Variants in PHKA1 observed in about 807,000 individuals in gnomAD.
PHKA1 encodes the protein phosphorylase b kinase regulatory subunit alpha, skeletal muscle isoform.
In PHKA1, 60 loss-of-function variants were observed where a neutral mutation model predicts 110.2. That is an observed-to-expected ratio of 0.54 (90% CI 0.44 to 0.68). PHKA1 has a LOEUF of 0.68. Ranked by LOEUF, PHKA1 falls within the 30% of genes least tolerant of loss-of-function variation. The probability of loss-of-function intolerance (pLI) is 0.00; values close to 1 mark genes in which losing one functional copy is unlikely to be tolerated. For synonymous variants in PHKA1, 316 were observed against 333.6 expected, an observed-to-expected ratio of 0.95 and a Z score of 0.58; for missense variants, 801 against 942.5, an observed-to-expected ratio of 0.85 and a Z score of 1.97.
At chrX:72,603,066 T>G in intron 26 of PHKA1, 53 bp downstream of exon 26, 39 of 800,038 alleles carry the variant, frequency 4.9e-5, no homozygotes, top group Non-Finnish European at 6.5e-5. Context: ...TTAAAACCAA[T>G]GAGACACTTA....
rs145791688 is a variant in PHKA1 at position 72,582,457 on chromosome X, T to C, written c.3439A>G (p.Ser1147Gly). 52 of 1,206,267 alleles carry C rather than the reference T, an allele frequency of 4.3e-5. No individual in the cohort carries two copies. Among genetic ancestry groups the C allele is most frequent in the Non-Finnish European group, 5.3e-5 (47 of 891,812 alleles). Residue 1147 changes from serine (S) to glycine (G), a missense_variant, in exon 31 of 32, where the codon AGC becomes GGC. By Grantham distance (56) the Ser-to-Gly change is moderately conservative. Around this residue, in one of 2 missense-constraint regions of PHKA1, gnomAD observed 502 missense variants for 519.2 expected, o/e 0.97. Transcript: ENST00000373542. ...ACTATTTTTTCCACAGCAATGATGCTTCCGATGCTATGAATTTCAATATCT... is the reference window on the plus strand; with the variant it reads ...ACTATTTTTTCCACAGCAATGATGCCTCCGATGCTATGAATTTCAATATCT... ...LADIEIHSIG[S>G]IIAVEKIVHI...
intron 29 of PHKA1, among the ~76,000 whole-genome samples, chrX:72,586,213 G>A (rs1042604097): frequency 2.7e-5 from 3 of 111,884 alleles, no homozygotes; most frequent in Non-Finnish European, 5.6e-5. Context: ...CCCCTGAGAC[G>A]AAGCTTCCAG....
Position 72,636,611 on chromosome X carries a change from T to C in PHKA1, c.1460-225A>G, listed in dbSNP as rs146794876. ...TAATTGAGATCTATGTTAAATGTAG[T>C]TGAATTTCTTTTCGTCTTCCAAAAG... On this transcript the variant is annotated intron_variant, in intron 14 of 31. Coordinates refer to ENST00000373542, the MANE Select transcript of PHKA1 (RefSeq NM_002637.4). Among the ~76,000 whole-genome samples, 347 of 112,205 alleles carry C rather than the reference T, an allele frequency of 3.1e-3. 1 individual carries two copies. The highest frequency in any genetic ancestry group is 0.011 in the African/African-American group (337 of 30,906).
intron 14 of PHKA1, among the ~76,000 whole-genome samples, chrX:72,639,494 C>T (rs782226280): frequency 6.1e-4 from 68 of 111,382 alleles, no homozygotes; most frequent in African/African-American, 2.2e-3. Context: ...CGAGATCGCG[C>T]CACTGCACTC....
chrX:72,618,757 T>G lies in PHKA1; in HGVS notation c.2322A>C (p.Ser774=). The stretch of plus-strand genomic sequence containing the variant: ...GGATATCAGCTTGTTCCTGTAAGCT[T>G]GAGGTCTCCTTCAACTGTAAAACCA... ...KALVLQLKET[S]SLQEQADILY... is the part of the protein sequence containing the mutation. Residue 774 remains serine, a synonymous_variant, in exon 21 of 32, where the codon TCA becomes TCC. Coordinates refer to ENST00000373542, the MANE Select transcript of PHKA1 (RefSeq NM_002637.4). The G allele has an allele frequency of 8.4e-7, 1 of 1,195,292 alleles. No homozygotes were observed. The highest frequency in any genetic ancestry group is 2.3e-4 in the Middle Eastern group (1 of 4,304).
intron 3 of PHKA1, among the ~76,000 whole-genome samples, chrX:72,698,837 T>C (rs1275170826): frequency 8.9e-6 from 1 of 112,306 alleles, no homozygotes; most frequent in African/African-American, 3.2e-5. Context: ...GGCTTGGGGC[T>C]AAGAGCAAGA....
intron 3 of PHKA1, 92 bp from the exon 4 acceptor site, chrX:72,695,968 T>C: frequency 1.4e-6 from 1 of 724,097 alleles, no homozygotes; most frequent in Non-Finnish European, 2.2e-6. Context: ...ATTATTGCAA[T>C]GTGAAGATAC....
In PHKA1 at chrX:72,620,838, G is replaced by T. The variant is rs1556276667; in HGVS notation, c.2024C>A (p.Pro675His). 1 of 1,211,049 alleles carries T rather than the reference G, an allele frequency of 8.3e-7. No homozygotes were observed. The change falls in exon 19 of 32, where the codon CCT becomes CAT. Residue 675 changes from proline to histidine, a missense_variant. Around this residue, in one of 2 missense-constraint regions of PHKA1, gnomAD observed 502 missense variants for 519.2 expected, o/e 0.97. Coordinates refer to ENST00000373542, the MANE Select transcript of PHKA1 (RefSeq NM_002637.4). ...CTTCTGTGAGGTAGGGGCTAGTTTA[G>T]GATGGGGAGCAGTGTGCGCCAAAAG... ...DHLLAHTAPH[P>H]KLAPTSQKGG...
In PHKA1 at chrX:72,663,269, G is replaced by C. The variant is rs180778456; in HGVS notation, c.864+2882C>G. 2.7e-5 allele frequency among the ~76,000 whole-genome samples: 3 copies of C among 109,122 alleles called. No homozygotes were observed. The Admixed American group carries it at 2.9e-4, about 11-fold the overall frequency. The allele number at this position is 109,122 out of a possible 115,157, so 94.8% of individuals were successfully genotyped here. A position where few individuals can be genotyped will look rare whatever the true frequency, so the allele number is the denominator to read the frequency against. ...CACAATCAAGAGCTTCAACAGATGA[G>C]ATCAAGCAGAAGAATTTCTGAACTT... On this transcript the variant is annotated intron_variant, in intron 8 of 31. Transcript: ENST00000373542.
intron 10 of PHKA1, among the ~76,000 whole-genome samples, chrX:72,653,887 T>C (rs781953444): frequency 9.0e-6 from 1 of 111,446 alleles, no homozygotes; most frequent in Non-Finnish European, 1.9e-5. Flanking sequence ...TGTTCCACTA[T>C]GTATATCTTA....
At chrX:72,606,439 T>A (rs2052729731) in intron 23 of PHKA1, among the ~76,000 whole-genome samples, 2 of 111,216 alleles carry the variant, frequency 1.8e-5, no homozygotes, top group African/African-American at 6.5e-5. Flanking sequence ...CTCTGGGGCA[T>A]GAACCATGCC....
chrX:72,650,601 G>A (rs1556298703), intron 12 of PHKA1, 133 bp from the exon 13 acceptor site: 7 of 518,243 alleles, frequency 1.4e-5, no homozygotes, highest in Non-Finnish European at 3.3e-6. Flanking sequence ...GGAAACAAAT[G>A]CCTTCACTGT....
intron 16 of PHKA1, among the ~76,000 whole-genome samples, chrX:72,630,755 A>G (rs1437245998): frequency 1.8e-5 from 2 of 110,170 alleles, no homozygotes; most frequent in Non-Finnish European, 3.8e-5. Context: ...ATGTGTTTTG[A>G]CATGGATTTT....
chrX:72,685,417 G>A (rs1035091845), intron 4 of PHKA1, among the ~76,000 whole-genome samples: 3 of 111,508 alleles, frequency 2.7e-5, no homozygotes, highest in Non-Finnish European at 3.8e-5. Context: ...GAGATTCAAG[G>A]TAGTTTTATT....
intron 14 of PHKA1, among the ~76,000 whole-genome samples, chrX:72,637,484 CT>C (rs1237161753): frequency 1.8e-5 from 2 of 111,847 alleles, no homozygotes; most frequent in African/African-American, 6.5e-5. Flanking sequence ...GTTGTTTCCA[CT>C]TTTTGGCTAT....
intron 3 of PHKA1, among the ~76,000 whole-genome samples, chrX:72,699,620 A>G (rs1156716210): frequency 9.1e-6 from 1 of 110,334 alleles, no homozygotes; most frequent in Non-Finnish European, 1.9e-5. Context: ...TAACAAAAAA[A>G]AATTTTTTTA....
intron 28 of PHKA1, among the ~76,000 whole-genome samples, chrX:72,594,504 G>A (rs1362658272): frequency 6.2e-5 from 7 of 112,025 alleles, no homozygotes; most frequent in Admixed American, 9.4e-5. Context: ...AGCCATATGC[G>A]GACAAATTAC....
At chrX:72,617,370 T>G (rs1364236906) in intron 21 of PHKA1, among the ~76,000 whole-genome samples, 1 of 110,754 alleles carries the variant, frequency 9.0e-6, no homozygotes, top group Non-Finnish European at 1.9e-5. Flanking sequence ...TAAAAAAACA[T>G]TTAGCCGGAC....
intron 25 of PHKA1, 39 bp downstream of exon 25, chrX:72,605,232 A>G: frequency 1.8e-6 from 2 of 1,138,147 alleles, no homozygotes; most frequent in Non-Finnish European, 2.4e-6. Flanking sequence ...ACTTACATCA[A>G]AAGTGAATTC....
Sources: allele counts gnomAD v4.1 joint callset (sites outside exome capture counted in the v4.1 genomes callset), GRCh38; gene constraint gnomAD v4.1.1; regional missense constraint gnomAD v4.1.1; transcripts MANE v1.5; gene names NCBI Gene and HGNC (gene_info 2026-07-23, HGNC 2026-07-21).